The following HMCN1 variants were observed in gnomAD, a reference collection of about 807,000 sequenced individuals.
HMCN1 encodes hemicentin-1.
In HMCN1, 321 loss-of-function variants were observed where a neutral mutation model predicts 625.9. That is an observed-to-expected ratio of 0.51 (90% CI 0.47 to 0.56). The LOEUF is 0.56. Among genes scored for constraint, HMCN1 ranks in the 20% least tolerant of loss-of-function variants. The probability of loss-of-function intolerance (pLI) is 0.00; values close to 1 mark genes in which losing one functional copy is unlikely to be tolerated. For synonymous variants in HMCN1, 2,425 were observed against 2,417.6 expected, an observed-to-expected ratio of 1.00 and a Z score of -0.09; for missense variants, 6,588 against 6,887.3, an observed-to-expected ratio of 0.96 and a Z score of 1.54.
chr1:185,807,554 C>T (rs1659248573), intron 1 of HMCN1, among the ~76,000 whole-genome samples: 1 of 152,160 alleles, frequency 6.6e-6, no homozygotes, highest in Non-Finnish European at 1.5e-5. Flanking sequence ...CTCCTGGATT[C>T]ATGCATACAT....
At chr1:186,093,787 C>T in intron 66 of HMCN1, 118 bp downstream of exon 66, 1 of 1,359,020 alleles carries the variant, frequency 7.4e-7, no homozygotes, top group Admixed American at 2.0e-5. Context: ...AGTTTTTTTC[C>T]CTTTAAGTAT....
At chr1:186,089,893 T>A (rs1180870465) in intron 63 of HMCN1, among the ~76,000 whole-genome samples, 2 of 151,958 alleles carry the variant, frequency 1.3e-5, no homozygotes, top group East Asian at 3.9e-4. Context: ...TATTCAGTGA[T>A]GTGCTGGTAA....
chr1:186,037,619 T>C (rs892414367), intron 36 of HMCN1, among the ~76,000 whole-genome samples: 5 of 152,172 alleles, frequency 3.3e-5, no homozygotes, highest in African/African-American at 7.2e-5. Flanking sequence ...GTAAAGATAA[T>C]TACTTACCAA....
chr1:185,860,234 A>AT (rs1321228006), intron 2 of HMCN1, among the ~76,000 whole-genome samples: 1 of 152,132 alleles, frequency 6.6e-6, no homozygotes, highest in Non-Finnish European at 1.5e-5. Context: ...ATACTGTATT[A>AT]TTTTTTGAAG....
rs920826770 is a variant in HMCN1, at chr1:186,151,292, C to G, written c.14701C>G (p.Pro4901Ala). ...AFLNATITDS[P>A]NSDTRIIRAK... Reference sequence around the variant, plus strand: ...CCTTAATGCCACAATAACTGATAGCCCTAACTCTGATACTAGAATAATACG... The same window carrying G: ...CCTTAATGCCACAATAACTGATAGCGCTAACTCTGATACTAGAATAATACG... Residue 4901 changes from proline (P) to alanine (A), a missense_variant, in exon 94 of 107, where the codon CCT (proline) becomes GCT (alanine). This residue lies in a region of HMCN1 where 1,954 missense variants were observed against 2,013.1 expected (regional missense o/e 0.97). Coordinates refer to ENST00000271588, the MANE Select transcript of HMCN1 (RefSeq NM_031935.3). The G allele has an allele frequency of 1.9e-6, 3 of 1,613,326 alleles. No individual in the cohort carries two copies. Among genetic ancestry groups the G allele is most frequent in the Admixed American group, 1.7e-5 (1 of 59,986 alleles).
intron 1 of HMCN1, among the ~76,000 whole-genome samples, chr1:185,806,728 T>G (rs939203921): frequency 2.0e-5 from 3 of 152,166 alleles, no homozygotes; most frequent in African/African-American, 7.2e-5. Flanking sequence ...AAGAGCCTTT[T>G]TGAGTTTGAA....
chr1:186,172,864 G>A (rs766567201), intron 102 of HMCN1, among the ~76,000 whole-genome samples: 4 of 152,052 alleles, frequency 2.6e-5, no homozygotes, highest in Non-Finnish European at 5.9e-5. Flanking sequence ...ACACCATAAA[G>A]AGGAACAAAT....
intron 1 of HMCN1, among the ~76,000 whole-genome samples, chr1:185,781,840 G>A (rs1033886929): frequency 1.3e-5 from 2 of 152,352 alleles, no homozygotes; most frequent in Non-Finnish European, 2.9e-5. Context: ...TTGGGGTGGA[G>A]AGTTCTGTAG....
intron 41 of HMCN1, among the ~76,000 whole-genome samples, 159 bp downstream of exon 41, chr1:186,046,022 AT>A (rs1656547219): frequency 1.3e-5 from 2 of 152,134 alleles, no homozygotes; most frequent in Non-Finnish European, 2.9e-5. Context: ...ATATTTAAAA[AT>A]TTTTTTGTTT....
chr1:185,849,029 C>G (rs1662003879), intron 2 of HMCN1, among the ~76,000 whole-genome samples: 1 of 152,094 alleles, frequency 6.6e-6, no homozygotes. Flanking sequence ...AAAGTTTCTG[C>G]CTTGTACCAT....
intron 29 of HMCN1, 96 bp downstream of exon 29, chr1:186,003,940 C>T (rs1240083705): frequency 3.5e-5 from 40 of 1,140,232 alleles, no homozygotes; most frequent in Admixed American, 3.6e-5. Flanking sequence ...TATTTTATTA[C>T]ATAGAATATT....
At chr1:185,914,258 T>C (rs1022182577) in intron 6 of HMCN1, among the ~76,000 whole-genome samples, 4 of 152,162 alleles carry the variant, frequency 2.6e-5, no homozygotes, top group Non-Finnish European at 5.9e-5. Context: ...GATTTCCCTT[T>C]TGGATGTCTA....
intron 89 of HMCN1, among the ~76,000 whole-genome samples, chr1:186,139,940 G>T (rs1286648548): frequency 6.6e-6 from 1 of 151,550 alleles, no homozygotes; most frequent in Admixed American, 6.6e-5. Flanking sequence ...AAAATCTCGG[G>T]GGCAGAAGAT....
chr1:186,085,957 T>G (rs1659451630), intron 57 of HMCN1, among the ~76,000 whole-genome samples: 1 of 152,182 alleles, frequency 6.6e-6, no homozygotes, highest in African/African-American at 2.4e-5. Flanking sequence ...ACATTAGGTC[T>G]CCTTTGTACA....
intron 1 of HMCN1, among the ~76,000 whole-genome samples, chr1:185,750,195 A>G (rs1654703192): frequency 6.6e-6 from 1 of 152,158 alleles, no homozygotes; most frequent in South Asian, 2.1e-4. Context: ...AGCCTCATGT[A>G]AGTTTCCTGG....
At chr1:185,904,497 A>G (rs1194920988) in intron 4 of HMCN1, among the ~76,000 whole-genome samples, 2 of 151,882 alleles carry the variant, frequency 1.3e-5, no homozygotes, top group African/African-American at 4.8e-5. Flanking sequence ...TATGTTTGGC[A>G]TGCATTTCAT....
At chr1:185,974,488 A>G (rs1267346264) in intron 15 of HMCN1, among the ~76,000 whole-genome samples, 2 of 152,152 alleles carry the variant, frequency 1.3e-5, no homozygotes, top group African/African-American at 4.8e-5. Flanking sequence ...ATTTGAAGCC[A>G]CTTAGTGTGC....
intron 1 of HMCN1, among the ~76,000 whole-genome samples, chr1:185,823,859 C>T (rs1208434548): frequency 1.3e-5 from 2 of 152,234 alleles, no homozygotes; most frequent in African/African-American, 4.8e-5. Flanking sequence ...AGGTTCATAG[C>T]GCAGTCAAGT....
rs749298801 is a variant in HMCN1, at chr1:185,734,756, A to G, written c.-24A>G. On this transcript the variant is annotated 5_prime_UTR_variant, in exon 1 of 107. Transcript: ENST00000271588. ...GCACAGTGCTTAGGCGCTGAGGGGG[A>G]AAAAGAGGGGGAAAAAAAAGAAAAT... 1.2e-6 allele frequency: 2 copies of G among 1,612,440 alleles called. No individual in the cohort carries two copies. Among genetic ancestry groups the G allele is most frequent in the East Asian group, 2.2e-5 (1 of 44,874 alleles).
Sources: gnomAD v4.1 joint callset for allele counts (sites outside exome capture counted in the v4.1 genomes callset) on GRCh38, gnomAD v4.1.1 for gene constraint, gnomAD v4.1.1 regional missense constraint, MANE v1.5 for transcripts, NCBI Gene and HGNC (gene_info 2026-07-23, HGNC 2026-07-21) for gene names.